Variants in ZBTB22 observed in about 807,000 individuals in gnomAD.
The protein encoded by ZBTB22 is zinc finger and BTB domain containing 22, also known as zinc finger and BTB domain-containing protein 22.
For missense variants in ZBTB22, 668 were observed against 834.1 expected, an observed-to-expected ratio of 0.80 and a Z score of 2.45; for synonymous variants, 356 against 347.3, an observed-to-expected ratio of 1.03 and a Z score of -0.28.
In ZBTB22 at chr6:33,315,408, G is replaced by C; in HGVS notation, c.1509C>G (p.His503Gln). The C allele has an allele frequency of 1.2e-6, 2 of 1,614,182 alleles. No homozygotes were observed. The highest frequency in any genetic ancestry group is 1.7e-6 in the Non-Finnish European group (2 of 1,180,036). ...GCCGCAGATTGAGGTGCATGTTCAC[G>C]TGCCGGTCCCGCATGCTCTTGTGGG... is the stretch of plus-strand genomic sequence containing the variant. Reference protein sequence around the residue: ...AFSHKSMRDRHVNMHLNLRPF... With the variant: ...AFSHKSMRDRQVNMHLNLRPF... Residue 503 changes from histidine (H) to glutamine (Q), a missense_variant, in exon 2 of 2, where the codon CAC becomes CAG. By Grantham distance (24) the His-to-Gln change is conservative. Coordinates refer to ENST00000431845, the MANE Select transcript of ZBTB22 (RefSeq NM_005453.5). The surrounding 1 kb of genome is among the most constrained non-coding windows in gnomAD (Gnocchi z 5.4).
chr6:33,316,427 T>G lies in ZBTB22; in HGVS notation c.490A>C (p.Thr164Pro). The change falls in exon 2 of 2, where the codon ACC (threonine) becomes CCC (proline). Residue 164 changes from threonine to proline, a missense_variant. Coordinates refer to ENST00000431845, the MANE Select transcript of ZBTB22 (RefSeq NM_005453.5). The surrounding 1 kb of genome is among the most constrained non-coding windows in gnomAD (Gnocchi z 7.2). Reference sequence around the variant, plus strand: ...CCAGCACCAGGGACAGTGACAGAGGTGGCTGCAGCAGTAGTGATGGTGGTG... The same window carrying G: ...CCAGCACCAGGGACAGTGACAGAGGGGGCTGCAGCAGTAGTGATGGTGGTG... ...ATTTITTAAATSVTVPGAGVP... is the reference protein window; with the variant it reads ...ATTTITTAAAPSVTVPGAGVP... The G allele has an allele frequency of 6.2e-7, 1 of 1,613,930 alleles. No homozygotes were observed. The highest frequency in any genetic ancestry group is 1.1e-5 in the South Asian group (1 of 91,058).
chr6:33,315,042 C>T lies in ZBTB22; in HGVS notation c.1875G>A (p.Met625Ile), dbSNP rs886832164. 3 of 1,568,256 alleles carry T rather than the reference C, an allele frequency of 1.9e-6. No individual in the cohort carries two copies. Among genetic ancestry groups the T allele is most frequent in the Non-Finnish European group, 1.7e-6 (2 of 1,154,148 alleles). Residue 625 changes from methionine to isoleucine, a missense_variant, in exon 2 of 2, where the codon ATG becomes ATA. By Grantham distance (10) the Met-to-Ile change is conservative (BLOSUM62 1). Coordinates refer to ENST00000431845, the MANE Select transcript of ZBTB22 (RefSeq NM_005453.5). The surrounding 1 kb of genome is among the most constrained non-coding windows in gnomAD (Gnocchi z 5.4). ...TTGCTCCTCCACCTCCACCGAAGCC[C>T]ATCTCCACCTTGTGGACTCTGGGTG... ...WSPPRVHKVE[M>I]GFGGGGGAN
chr6:33,317,419 C>A (rs1581771781), intron 1 of ZBTB22, among the ~76,000 whole-genome samples: 1 of 152,196 alleles, frequency 6.6e-6, no homozygotes, highest in Non-Finnish European at 1.5e-5. Flanking sequence ...TCCCCTCAGG[C>A]TATGCCCCCC....
chr6:33,316,164 C>T lies in ZBTB22; in HGVS notation c.753G>A (p.Gly251=), dbSNP rs761215832. The T allele has an allele frequency of 2.5e-6, 4 of 1,613,900 alleles. No individual in the cohort carries two copies. The South Asian group carries it at 4.4e-5, about 18-fold the overall frequency. Residue 251 remains glycine, a synonymous_variant, in exon 2 of 2, where the codon GGG becomes GGA. Transcript: ENST00000431845. The surrounding 1 kb of genome is among the most constrained non-coding windows in gnomAD (Gnocchi z 7.2). ...VFPAPVVGSG[G]ATSGKLLLEA... is the part of the protein sequence containing the mutation. ...CCAGCAGCAGCTTTCCAGATGTGGCCCCTCCACTGCCAACGACAGGGGCTG... is the reference window on the plus strand; with the variant it reads ...CCAGCAGCAGCTTTCCAGATGTGGCTCCTCCACTGCCAACGACAGGGGCTG...
At chr6:33,317,087 C>T in intron 1 of ZBTB22, 102 bp from the exon 2 acceptor site, 2 of 770,876 alleles carry the variant, frequency 2.6e-6, no homozygotes, top group Non-Finnish European at 2.0e-6. Context: ...TAACTCCCCA[C>T]AACAGTGAGG....
In ZBTB22 at chr6:33,315,809, T is replaced by C. The variant is rs765554657; in HGVS notation, c.1108A>G (p.Lys370Glu). The change falls in exon 2 of 2, where the codon AAG (lysine) becomes GAG (glutamate). Residue 370 changes from lysine to glutamate, a missense_variant. Transcript: ENST00000431845. This position sits in a 1 kb window ranked among gnomAD's most constrained non-coding sequence, Gnocchi z 5.4. Reference protein sequence around the residue: ...DVRTLSEPPDKGEEQVNFCES... With the variant: ...DVRTLSEPPDEGEEQVNFCES... ...CAGAAGTTGACCTGCTCCTCCCCCTTGTCTGGGGGCTCACTCAGGGTACGG... is the reference window on the plus strand; with the variant it reads ...CAGAAGTTGACCTGCTCCTCCCCCTCGTCTGGGGGCTCACTCAGGGTACGG... 1.2e-6 allele frequency: 2 copies of C among 1,612,764 alleles called. No homozygotes were observed. Among genetic ancestry groups the C allele is most frequent in the Non-Finnish European group, 1.7e-6 (2 of 1,179,254 alleles).
chr6:33,315,993 C>T lies in ZBTB22; in HGVS notation c.924G>A (p.Ala308=), dbSNP rs772196714. 3.1e-6 allele frequency: 5 copies of T among 1,614,062 alleles called. No individual in the cohort carries two copies. The highest frequency in any genetic ancestry group is 1.3e-5 in the African/African-American group (1 of 75,010). The change falls in exon 2 of 2, where the codon GCG becomes GCA. Residue 308 remains alanine, a synonymous_variant. Transcript: ENST00000431845. This position sits in a 1 kb window ranked among gnomAD's most constrained non-coding sequence, Gnocchi z 5.4. The part of the protein sequence containing the change: ...VYVKRGGNCP[A]PTPLVPQDPD... ...GGTCTTGGGGAACCAGGGGTGTTGGCGCTGGGCAATTACCACCTCGCTTCA... is the reference window on the plus strand; with the variant it reads ...GGTCTTGGGGAACCAGGGGTGTTGGTGCTGGGCAATTACCACCTCGCTTCA...
In ZBTB22 at chr6:33,317,023, C is replaced by T. The variant is rs115890877; in HGVS notation, c.-69-38G>A. The stretch of plus-strand genomic sequence containing the variant: ...AGAGAAAAGAATAATGATAACATCT[C>T]ATAACGACACAGCCCGTTACAACTC... On this transcript the variant is annotated intron_variant, in intron 1 of 1. Coordinates refer to ENST00000431845, the MANE Select transcript of ZBTB22 (RefSeq NM_005453.5). The T allele has an allele frequency of 2.5e-3, 3,279 of 1,334,596 alleles. 86 individuals carry two copies. In the African/African-American group the frequency reaches 0.042, roughly 17 times the overall value. 82.7% of individuals were successfully genotyped at this position (1,334,596 alleles called of 1,614,324 possible). A position where few individuals can be genotyped will look rare whatever the true frequency, so the allele number is the denominator to read the frequency against.
rs1769729575 is a variant in ZBTB22 at position 33,315,025 on chromosome 6, C to T, written c.1892G>A (p.Gly631Glu). ...HKVEMGFGGG[G>E]GAN ...TAGCCTGCCCCTTCAGTTTGCTCCT[C>T]CACCTCCACCGAAGCCCATCTCCAC... The change falls in exon 2 of 2, where the codon GGA becomes GAA. Residue 631 changes from glycine (G) to glutamate (E), a missense_variant. Transcript: ENST00000431845. This position sits in a 1 kb window ranked among gnomAD's most constrained non-coding sequence, Gnocchi z 5.4. The T allele has an allele frequency of 6.4e-7, 1 of 1,551,760 alleles. No homozygotes were observed. The highest frequency in any genetic ancestry group is 1.4e-5 in the African/African-American group (1 of 72,936).
intron 1 of ZBTB22, 112 bp from the exon 2 acceptor site, chr6:33,317,097 G>A (rs963614101): frequency 2.8e-6 from 2 of 710,122 alleles, no homozygotes; most frequent in Admixed American, 6.5e-5. Flanking sequence ...CAACAGTGAG[G>A]TAGGTATTCC....
chr6:33,316,028 A>AGTGTCT lies in ZBTB22; in HGVS notation c.888_889insAGACAC (p.His296_Trp297insArgHis). 6.2e-7 allele frequency: 1 copy of AGTGTCT among 1,613,992 alleles called. No homozygotes were observed. Among genetic ancestry groups the AGTGTCT allele is most frequent in the Non-Finnish European group, 8.5e-7 (1 of 1,179,962 alleles). ...TTACCACCTCGCTTCACGTATACCCAGTGTTTCTGTGGCATGATGCTAGGG... is the reference window on the plus strand; with the variant it reads ...TTACCACCTCGCTTCACGTATACCCAGTGTCTGTGTTTCTGTGGCATGATGCTAGGG... On this transcript the variant is annotated inframe_insertion, in exon 2 of 2. Coordinates refer to ENST00000431845, the MANE Select transcript of ZBTB22 (RefSeq NM_005453.5). This position sits in a 1 kb window ranked among gnomAD's most constrained non-coding sequence, Gnocchi z 7.2.
Position 33,315,746 on chromosome 6 carries a change from C to G in ZBTB22, c.1171G>C (p.Gly391Arg). Residue 391 changes from glycine to arginine, a missense_variant, in exon 2 of 2, where the codon GGT (glycine) becomes CGT (arginine). By Grantham distance (125) the Gly-to-Arg change is moderately radical. Coordinates refer to ENST00000431845, the MANE Select transcript of ZBTB22 (RefSeq NM_005453.5). This position sits in a 1 kb window ranked among gnomAD's most constrained non-coding sequence, Gnocchi z 5.4. ...GAGTCATCAAGACCTGCCACAGGACCCCCACCCTCATATGGGCCAAAGTCA... is the reference window on the plus strand; with the variant it reads ...GAGTCATCAAGACCTGCCACAGGACGCCCACCCTCATATGGGCCAAAGTCA... ...SNDFGPYEGG[G>R]PVAGLDDSGG... The G allele has an allele frequency of 6.2e-7, 1 of 1,613,000 alleles. No homozygotes were observed. The highest frequency in any genetic ancestry group is 8.5e-7 in the Non-Finnish European group (1 of 1,179,404).
In ZBTB22 at chr6:33,315,628, G is replaced by C. The variant is rs765847980; in HGVS notation, c.1289C>G (p.Pro430Arg). ...TGAGGATGAGGATGAAGACGACGAC[G>C]GGAAGACCAGGATCTGGTTGCCCTG... Reference protein sequence around the residue: ...DMQGNQILVFPSSSSSSSSQA... With the variant: ...DMQGNQILVFRSSSSSSSSQA... Residue 430 changes from proline to arginine, a missense_variant, in exon 2 of 2, where the codon CCG becomes CGG. By Grantham distance (103) the Pro-to-Arg change is moderately radical (BLOSUM62 -2). Transcript: ENST00000431845. This position sits in a 1 kb window ranked among gnomAD's most constrained non-coding sequence, Gnocchi z 5.4. 1.2e-6 allele frequency: 2 copies of C among 1,613,974 alleles called. No individual in the cohort carries two copies. Among genetic ancestry groups the C allele is most frequent in the Non-Finnish European group, 1.7e-6 (2 of 1,179,980 alleles).
Position 33,316,352 on chromosome 6 carries a change from C to T in ZBTB22, c.565G>A (p.Ala189Thr). 1 of 1,613,962 alleles carries T rather than the reference C, an allele frequency of 6.2e-7. No individual in the cohort carries two copies. Among genetic ancestry groups the T allele is most frequent in the Non-Finnish European group, 8.5e-7 (1 of 1,180,006 alleles). The change falls in exon 2 of 2, where the codon GCG (alanine) becomes ACG (threonine). Residue 189 changes from alanine to threonine, a missense_variant. Physicochemically the swap from Ala to Thr is moderately conservative, Grantham distance 58. Transcript: ENST00000431845. This position sits in a 1 kb window ranked among gnomAD's most constrained non-coding sequence, Gnocchi z 7.2. ...GTVAPATMGS[A>T]RSHASSRASE... Reference sequence around the variant, plus strand: ...GCCCGGCTGGAGGCATGGGAGCGCGCAGAGCCCATGGTAGCAGGGGCCACA... The same window carrying T: ...GCCCGGCTGGAGGCATGGGAGCGCGTAGAGCCCATGGTAGCAGGGGCCACA...
At chr6:33,317,076 G>A (rs1239273120) in intron 1 of ZBTB22, 91 bp from the exon 2 acceptor site, 6 of 864,922 alleles carry the variant, frequency 6.9e-6, no homozygotes, top group East Asian at 2.7e-5. Flanking sequence ...CATTATCTGT[G>A]TAACTCCCCA....
At position 33,315,167 on chromosome 6, in the gene ZBTB22, GCCCCGT is replaced by G. The variant is rs1769752410; in HGVS notation, c.1744_1749del (p.Thr582_Gly583del). ...GACTCTCTCTTGGACGGCAAGGATG[GCCCCGT>G]GGGAGTCCCAGGCCCAGGTACGGCC... is the stretch of plus-strand genomic sequence containing the variant. On this transcript the variant is annotated inframe_deletion, in exon 2 of 2. Coordinates refer to ENST00000431845, the MANE Select transcript of ZBTB22 (RefSeq NM_005453.5). This position sits in a 1 kb window ranked among gnomAD's most constrained non-coding sequence, Gnocchi z 5.4. The G allele has an allele frequency of 2.5e-6, 4 of 1,612,650 alleles. No homozygotes were observed. In the African/African-American group the frequency reaches 4.0e-5, roughly 16 times the overall value.
Position 33,316,073 on chromosome 6 carries a change from G to C in ZBTB22, c.844C>G (p.Arg282Gly). 1.2e-6 allele frequency: 2 copies of C among 1,613,368 alleles called. No individual in the cohort carries two copies. Among genetic ancestry groups the C allele is most frequent in the Non-Finnish European group, 1.7e-6 (2 of 1,179,872 alleles). ...CTAGGGGGTGTGTAGGTGGGTCTCC[G>C]GAGCCCAGCCCCAGGAACCACTGCC... Reference protein sequence around the residue: ...RGAVVPGAGLRRPTYTPPSIM... With the variant: ...RGAVVPGAGLGRPTYTPPSIM... Residue 282 changes from arginine (R) to glycine (G), a missense_variant, in exon 2 of 2, where the codon CGG becomes GGG. Coordinates refer to ENST00000431845, the MANE Select transcript of ZBTB22 (RefSeq NM_005453.5). This position sits in a 1 kb window ranked among gnomAD's most constrained non-coding sequence, Gnocchi z 7.2.
chr6:33,316,874 G>A lies in ZBTB22; in HGVS notation c.43C>T (p.Leu15=), dbSNP rs1170337529. The part of the protein sequence containing the change: ...PLSPSGAALP[L]PLSLAPPPLP... ...GGGGGCGGAGCCAGCGACAGCGGCAGGGGAAGTGCTGCCCCACTGGGAGAC... is the reference window on the plus strand; with the variant it reads ...GGGGGCGGAGCCAGCGACAGCGGCAAGGGAAGTGCTGCCCCACTGGGAGAC... Residue 15 remains leucine (L), a synonymous_variant, in exon 2 of 2, where the codon CTG becomes TTG. Transcript: ENST00000431845. The surrounding 1 kb of genome is among the most constrained non-coding windows in gnomAD (Gnocchi z 7.2). The A allele has an allele frequency of 6.2e-7, 1 of 1,612,464 alleles. No homozygotes were observed.
chr6:33,315,523 C>A lies in ZBTB22; in HGVS notation c.1394G>T (p.Gly465Val). The part of the protein sequence containing the change: ...TVGGTSVGSL[G>V]VPGSVGGVPG... ...GACCCCACCAACGCTACCCGGCACA[C>A]CCAGGCTCCCCACCGACGTGCCCCC... Residue 465 changes from glycine (G) to valine (V), a missense_variant, in exon 2 of 2, where the codon GGT becomes GTT. Coordinates refer to ENST00000431845, the MANE Select transcript of ZBTB22 (RefSeq NM_005453.5). The surrounding 1 kb of genome is among the most constrained non-coding windows in gnomAD (Gnocchi z 5.4). 7 of 1,613,914 alleles carry A rather than the reference C, an allele frequency of 4.3e-6. No individual in the cohort carries two copies. Among genetic ancestry groups the A allele is most frequent in the Non-Finnish European group, 5.9e-6 (7 of 1,179,988 alleles).
Sources: allele counts gnomAD v4.1 joint callset (sites outside exome capture counted in the v4.1 genomes callset), GRCh38; gene constraint gnomAD v4.1.1; non-coding constraint Gnocchi (gnomAD v3.1); transcripts MANE v1.5; gene names NCBI Gene and HGNC (gene_info 2026-07-23, HGNC 2026-07-21).